The following RBFOX1 variants were observed in gnomAD, a reference collection of about 807,000 sequenced individuals.
The protein encoded by RBFOX1 is RNA binding protein fox-1 homolog 1.
In RBFOX1, 8 loss-of-function variants were observed where a neutral mutation model predicts 57.7. That is an observed-to-expected ratio of 0.14 (90% CI 0.08 to 0.25). The LOEUF is 0.25. RBFOX1 is among the 10% of genes least tolerant of loss of function. The pLI is 1.00. For synonymous variants in RBFOX1, 326 were observed against 222.4 expected, an observed-to-expected ratio of 1.47 and a Z score of -4.15; for missense variants, 611 against 548.5, an observed-to-expected ratio of 1.11 and a Z score of -1.14.
chr16:5,526,091 C>T (rs2044234086), intron 2 of RBFOX1, among the ~76,000 whole-genome samples: 1 of 151,954 alleles, frequency 6.6e-6, no homozygotes, highest in South Asian at 2.1e-4. Flanking sequence ...AGTACCAGCC[C>T]CTCTCTTTTA....
intron 2 of RBFOX1, among the ~76,000 whole-genome samples, chr16:6,498,166 C>T (rs2095823814): frequency 6.6e-6 from 1 of 150,762 alleles, no homozygotes; most frequent in African/African-American, 2.4e-5. Flanking sequence ...GCACGAGAAT[C>T]ACTACTACCT....
intron 4 of RBFOX1, among the ~76,000 whole-genome samples, chr16:5,906,252 C>T (rs191611941): frequency 1.6e-3 from 248 of 152,130 alleles, no homozygotes; most frequent in Non-Finnish European, 2.9e-3. Context: ...TGAGGTCATC[C>T]GGGAGTAGGG....
At chr16:6,556,990 T>G (rs1266287026) in intron 2 of RBFOX1, among the ~76,000 whole-genome samples, 2 of 118,708 alleles carry the variant, frequency 1.7e-5, no homozygotes, top group South Asian at 5.2e-4. Flanking sequence ...TACGTATATA[T>G]ACATACATAT....
rs60979849 is a variant in RBFOX1, at chr16:5,904,454, C to G, written c.351+37119C>G. On this transcript the variant is annotated intron_variant, in intron 4 of 19. Coordinates refer to the RBFOX1 transcript ENST00000641259. Reference sequence around the variant, plus strand: ...CCCTCAGGGCAGGAAATATGGGGAACCTCCTCGCTAAAAGCCTCTGAGAGA... The same window carrying G: ...CCCTCAGGGCAGGAAATATGGGGAAGCTCCTCGCTAAAAGCCTCTGAGAGA... 5.2e-3 allele frequency among the ~76,000 whole-genome samples: 797 copies of G among 151,838 alleles called. 8 individuals carry two copies. The highest frequency in any genetic ancestry group is 0.018 in the African/African-American group (736 of 41,394).
chr16:5,576,188 T>G (rs1007362725), intron 2 of RBFOX1, among the ~76,000 whole-genome samples: 4 of 152,190 alleles, frequency 2.6e-5, no homozygotes, highest in Non-Finnish European at 5.9e-5. Flanking sequence ...GGTTTTACCT[T>G]GTTGATCAGG....
chr16:7,013,901 T>C (rs1451187988), intron 3 of RBFOX1, among the ~76,000 whole-genome samples: 1 of 152,146 alleles, frequency 6.6e-6, no homozygotes, highest in African/African-American at 2.4e-5. Context: ...CCAAAAATCT[T>C]CCTGCCTCAG....
intron 10 of RBFOX1, among the ~76,000 whole-genome samples, chr16:7,609,095 C>T (rs1479842837): frequency 6.6e-6 from 1 of 152,220 alleles, no homozygotes; most frequent in Non-Finnish European, 1.5e-5. Flanking sequence ...AGTCAGACAA[C>T]AGCTTCCATG....
At chr16:6,112,020 T>TAA (rs144796650) in intron 1 of RBFOX1, among the ~76,000 whole-genome samples, 2 of 151,302 alleles carry the variant, frequency 1.3e-5, no homozygotes, top group Non-Finnish European at 2.9e-5. Context: ...AGTGATCTGA[T>TAA]AAAAAAAAAG....
chr16:7,510,815 G>T (rs1256369230), intron 4 of RBFOX1, among the ~76,000 whole-genome samples: 1 of 152,176 alleles, frequency 6.6e-6, no homozygotes, highest in Non-Finnish European at 1.5e-5. Context: ...GTCCATGCTG[G>T]TGGGGGGTCC....
chr16:5,912,295 C>A (rs939712314), intron 4 of RBFOX1, among the ~76,000 whole-genome samples: 2 of 152,084 alleles, frequency 1.3e-5, no homozygotes, highest in African/African-American at 2.4e-5. Flanking sequence ...TGAAGCTCAC[C>A]GTATCATTGA....
intron 1 of RBFOX1, among the ~76,000 whole-genome samples, chr16:6,217,798 T>G (rs1374228772): frequency 6.6e-6 from 1 of 152,092 alleles, no homozygotes; most frequent in Non-Finnish European, 1.5e-5. Context: ...GTGGATCACT[T>G]GAGACCAAGG....
At chr16:7,618,202 T>C (rs538422527) in intron 10 of RBFOX1, among the ~76,000 whole-genome samples, 1 of 152,298 alleles carries the variant, frequency 6.6e-6, no homozygotes, top group South Asian at 2.1e-4. Flanking sequence ...CTTTCAGTGG[T>C]AGGCAGCCAT....
At chr16:5,416,866 G>A (rs1043066028) in intron 1 of RBFOX1, among the ~76,000 whole-genome samples, 2 of 152,234 alleles carry the variant, frequency 1.3e-5, no homozygotes, top group Middle Eastern at 3.4e-3. Flanking sequence ...GTTTGTTACT[G>A]CGGCATAACC....
At chr16:5,891,843 C>T (rs961529815) in intron 4 of RBFOX1, among the ~76,000 whole-genome samples, 1 of 152,150 alleles carries the variant, frequency 6.6e-6, no homozygotes, top group Non-Finnish European at 1.5e-5. Context: ...GGCTTGGAGA[C>T]CCTCCATCCT....
intron 4 of RBFOX1, among the ~76,000 whole-genome samples, chr16:7,408,507 A>G (rs1428413080): frequency 1.3e-5 from 2 of 152,168 alleles, no homozygotes; most frequent in African/African-American, 2.4e-5. Flanking sequence ...GAAGTAGCTA[A>G]TTCCCGACAC....
intron 1 of RBFOX1, among the ~76,000 whole-genome samples, chr16:6,051,134 G>A (rs1282654189): frequency 1.3e-5 from 2 of 151,138 alleles, no homozygotes; most frequent in Non-Finnish European, 1.5e-5. Flanking sequence ...TGACAAAACT[G>A]CAATTACTTT....
chr16:5,332,998 C>T (rs1023047492), intron 1 of RBFOX1, among the ~76,000 whole-genome samples: 4 of 151,906 alleles, frequency 2.6e-5, no homozygotes, highest in African/African-American at 9.7e-5. Flanking sequence ...CCAGCCTGAC[C>T]AATGTGGTGA....
At chr16:7,213,464 C>G (rs1603260150) in intron 4 of RBFOX1, among the ~76,000 whole-genome samples, 1 of 151,992 alleles carries the variant, frequency 6.6e-6, no homozygotes, top group East Asian at 1.9e-4. Flanking sequence ...ATGAATCAGA[C>G]TTTAATAGAT....
intron 4 of RBFOX1, among the ~76,000 whole-genome samples, chr16:7,458,669 G>C (rs567670457): frequency 1.3e-5 from 2 of 151,922 alleles, no homozygotes; most frequent in Non-Finnish European, 2.9e-5. Flanking sequence ...CTTTTGTCTA[G>C]AATGCAATTT....
Sources: allele counts gnomAD v4.1 joint callset (sites outside exome capture counted in the v4.1 genomes callset), GRCh38; gene constraint gnomAD v4.1.1; transcripts MANE v1.5; gene names NCBI Gene and HGNC (gene_info 2026-07-23, HGNC 2026-07-21).